PSD2: variants seen among roughly 807,000 people sequenced by gnomAD.
PSD2 encodes the protein PH and SEC7 domain-containing protein 2.
PSD2 carries 38 observed loss-of-function variants against 69.8 expected under a neutral mutation model. That is an observed-to-expected ratio of 0.54 (90% CI 0.42 to 0.71). The LOEUF (loss-of-function observed/expected upper bound fraction) is 0.71, where lower values mean the gene tolerates loss of function less well. PSD2 is among the 30% of genes least tolerant of loss of function. The pLI is 0.00. For missense variants in PSD2, 943 were observed against 1,014.5 expected (o/e 0.93, Z 0.96); for synonymous variants, 412 against 423.0 (o/e 0.97, Z 0.32).
the PSD2 span, among the ~76,000 whole-genome samples, chr5:139,768,526 T>G: frequency 2.0e-5 from 3 of 152,042 alleles, no homozygotes; most frequent in Non-Finnish European, 4.4e-5. Flanking sequence ...AGTTCGAGAC[T>G]AGCCTGACCA....
intron 14 of PSD2, among the ~76,000 whole-genome samples, chr5:139,841,713 G>T (rs1413776527): frequency 6.6e-6 from 1 of 152,168 alleles, no homozygotes; most frequent in Non-Finnish European, 1.5e-5. Context: ...AGTGTGAATT[G>T]ATATCTCATT....
the PSD2 span, among the ~76,000 whole-genome samples, chr5:139,774,347 A>G: frequency 6.6e-6 from 1 of 152,170 alleles, no homozygotes; most frequent in African/African-American, 2.4e-5. Context: ...CAGTAAGTGC[A>G]CAGGACCTGA....
chr5:139,820,739 C>T (rs1191101484), intron 5 of PSD2, among the ~76,000 whole-genome samples: 9 of 152,202 alleles, frequency 5.9e-5, no homozygotes, highest in Admixed American at 5.9e-4. Context: ...AGATTCAGAG[C>T]TGCCCAGCAG....
At chr5:139,755,985 T>C in the PSD2 span, among the ~76,000 whole-genome samples, 2 of 152,178 alleles carry the variant, frequency 1.3e-5, no homozygotes, top group Non-Finnish European at 2.9e-5. Context: ...TGCCTATCCG[T>C]GTGGCTCTGT....
the PSD2 span, chr5:139,775,299 G>A: frequency 1.3e-5 from 2 of 152,328 alleles, no homozygotes; most frequent in East Asian, 1.9e-4. Flanking sequence ...GCCGCGCGGG[G>A]GCGGGCGAGG....
chr5:139,812,498 C>T (rs889774888), intron 2 of PSD2, among the ~76,000 whole-genome samples: 1 of 152,176 alleles, frequency 6.6e-6, no homozygotes, highest in African/African-American at 2.4e-5. Context: ...GTTCCAAGCA[C>T]CTACTATGTG....
Position 139,833,612 on chromosome 5 carries a change from C to A in PSD2, c.1270-90C>A, listed in dbSNP as rs995984210. On this transcript the variant is annotated intron_variant, in intron 7 of 14. Coordinates refer to ENST00000274710, the MANE Select transcript of PSD2 (RefSeq NM_032289.4). Reference sequence around the variant, plus strand: ...ATTTTCATTATTGCCCTTAATGCTGCCTCATCCCTCTGGCTGGGCAGGGCA... The same window carrying A: ...ATTTTCATTATTGCCCTTAATGCTGACTCATCCCTCTGGCTGGGCAGGGCA... The A allele has an allele frequency of 4.0e-5, 34 of 860,072 alleles. No individual in the cohort carries two copies. The East Asian group carries it at 8.1e-4, about 20-fold the overall frequency. 53.3% of individuals were successfully genotyped at this position (860,072 alleles called of 1,614,324 possible). A position where few individuals can be genotyped will look rare whatever the true frequency, so the allele number is the denominator to read the frequency against.
the PSD2 span, among the ~76,000 whole-genome samples, chr5:139,787,032 G>A: frequency 1.3e-5 from 2 of 152,268 alleles, no homozygotes; most frequent in African/African-American, 4.8e-5. Context: ...CATCCGAACC[G>A]GGGAGTGAGG....
intron 8 of PSD2, among the ~76,000 whole-genome samples, chr5:139,835,362 C>T (rs1366132500): frequency 1.3e-5 from 2 of 152,106 alleles, no homozygotes; most frequent in Non-Finnish European, 2.9e-5. Flanking sequence ...TCCATTCACT[C>T]ACCCATCCTC....
At chr5:139,812,687 T>C (rs943726243) in intron 2 of PSD2, among the ~76,000 whole-genome samples, 1 of 152,096 alleles carries the variant, frequency 6.6e-6, no homozygotes, top group African/African-American at 2.4e-5. Context: ...GAGGTGGCAA[T>C]GAGGCCAGAC....
chr5:139,809,410 G>A lies in PSD2; in HGVS notation c.-31G>A, dbSNP rs182908329. 28 of 1,599,384 alleles carry A rather than the reference G, an allele frequency of 1.8e-5. No individual in the cohort carries two copies. In the African/African-American group the frequency reaches 3.6e-4, roughly 21 times the overall value. The stretch of plus-strand genomic sequence containing the variant: ...TGCCAGGTCTAGAGGAGTCCCAGGA[G>A]CAGCCAGGACAGGCGGAAGCAGTGG... On this transcript the variant is annotated 5_prime_UTR_variant, in exon 2 of 15. Transcript: ENST00000274710.
At chr5:139,818,146 G>T (rs1349911012) in intron 5 of PSD2, among the ~76,000 whole-genome samples, 2 of 152,156 alleles carry the variant, frequency 1.3e-5, no homozygotes, top group Non-Finnish European at 2.9e-5. Context: ...GCAGATACTG[G>T]CCAGGTCCTA....
At chr5:139,830,570 CTTTCTTTCTTTCTTTCTTTCTT>C (rs1760556227) in intron 7 of PSD2, among the ~76,000 whole-genome samples, 2 of 133,430 alleles carry the variant, frequency 1.5e-5, no homozygotes, top group African/African-American at 6.6e-5. Flanking sequence ...TCCTTCCTTT[CTTTCTTTCTTTCTTTCTTTCTT>C]TTTCTTTCTT....
chr5:139,838,809 C>A, intron 13 of PSD2, 37 bp downstream of exon 13: 1 of 1,595,140 alleles, frequency 6.3e-7, no homozygotes, highest in South Asian at 1.1e-5. Context: ...CCTCCCCAGG[C>A]TGCCATCCTC....
chr5:139,742,500 C>T, the PSD2 span: 1 of 152,574 alleles, frequency 6.6e-6, no homozygotes, highest in Non-Finnish European at 1.5e-5. Flanking sequence ...TGCAACCAGG[C>T]TGTCAACACC....
chr5:139,793,919 GACTT>G (rs1759463567), upstream of PSD2, among the ~76,000 whole-genome samples: 1 of 152,218 alleles, frequency 6.6e-6, no homozygotes, highest in Non-Finnish European at 1.5e-5. Flanking sequence ...GTCCAGCTGT[GACTT>G]GAGGGCATGG....
rs888947260 is a variant in PSD2 at position 139,836,812 on chromosome 5, G to A, written c.1405G>A (p.Asp469Asn). 1.2e-6 allele frequency: 2 copies of A among 1,613,870 alleles called. No homozygotes were observed. The highest frequency in any genetic ancestry group is 1.7e-6 in the Non-Finnish European group (2 of 1,179,794). ...TGCTCAGGCCTAGTACTTCCCTAGT[G>A]ATGAGGATGAGCTGAGGAAATCCCT... Reference protein sequence around the residue: ...IKNEKLEWAIDEDELRKSLSE... With the variant: ...IKNEKLEWAINEDELRKSLSE... Residue 469 changes from aspartate (D) to asparagine (N), a missense_variant and splice_region_variant, in exon 10 of 15, where the codon GAT becomes AAT. By Grantham distance (23) the Asp-to-Asn change is conservative. Coordinates refer to ENST00000274710, the MANE Select transcript of PSD2 (RefSeq NM_032289.4).
the PSD2 span, among the ~76,000 whole-genome samples, chr5:139,768,867 T>C: frequency 6.6e-6 from 1 of 152,190 alleles, no homozygotes; most frequent in Admixed American, 6.5e-5. Context: ...ACTAACTGTC[T>C]GATCTGTAAG....
At chr5:139,750,131 C>A in the PSD2 span, among the ~76,000 whole-genome samples, 1 of 151,990 alleles carries the variant, frequency 6.6e-6, no homozygotes, top group South Asian at 2.1e-4. Context: ...AGAGACCATC[C>A]TGGCTAACAC....
Sources: allele counts gnomAD v4.1 joint callset (sites outside exome capture counted in the v4.1 genomes callset), GRCh38; gene constraint gnomAD v4.1.1; transcripts MANE v1.5; gene names NCBI Gene and HGNC (gene_info 2026-07-23, HGNC 2026-07-21).